The following GSE1 variants were observed in gnomAD, a reference collection of about 807,000 sequenced individuals.
GSE1 encodes Gse1 coiled-coil protein, also known as genetic suppressor element 1.
In GSE1, 32 loss-of-function variants were observed where a neutral mutation model predicts 112.6. The ratio of observed to expected loss-of-function variants is 0.28; its 90% CI spans 0.21 to 0.38. The LOEUF (loss-of-function observed/expected upper bound fraction) is 0.38. Among genes scored for constraint, GSE1 ranks in the 10% least tolerant of loss-of-function variants. The pLI is 1.00. For synonymous variants in GSE1, 1,115 were observed against 735.6 expected (o/e 1.52, Z -8.35); for missense variants, 2,348 against 1,699.2 (o/e 1.38, Z -6.71).
At chr16:85,195,967 T>C (rs1392224014) in intron 1 of GSE1, among the ~76,000 whole-genome samples, 1 of 152,094 alleles carries the variant, frequency 6.6e-6, no homozygotes, top group African/African-American at 2.4e-5. Context: ...GACAGATGCT[T>C]TAGTACCGAT....
chr16:85,510,194 C>A (rs1211217737), intron 2 of GSE1, among the ~76,000 whole-genome samples: 2 of 152,204 alleles, frequency 1.3e-5, no homozygotes. Flanking sequence ...AAAGAAAGTG[C>A]TTTGTGAGCC....
intron 1 of GSE1, among the ~76,000 whole-genome samples, chr16:85,298,067 C>T (rs992175986): frequency 6.6e-6 from 1 of 152,228 alleles, no homozygotes. Flanking sequence ...TCTCCATTCT[C>T]CAGAGAGGCG....
At chr16:85,525,875 G>A (rs568969757) in intron 2 of GSE1, among the ~76,000 whole-genome samples, 4 of 152,270 alleles carry the variant, frequency 2.6e-5, no homozygotes, top group African/African-American at 9.6e-5. Context: ...GGCTGCCTTG[G>A]GTACCTCACT....
chr16:85,217,385 G>A (rs752798461), intron 1 of GSE1, among the ~76,000 whole-genome samples: 4 of 152,172 alleles, frequency 2.6e-5, no homozygotes, highest in African/African-American at 4.8e-5. Flanking sequence ...AAGCCGCCAC[G>A]CCTGGGACCA....
intron 1 of GSE1, among the ~76,000 whole-genome samples, chr16:85,590,950 G>C (rs536531346): frequency 6.6e-6 from 1 of 152,168 alleles, no homozygotes; most frequent in Admixed American, 6.5e-5. Context: ...GGGACCAGAC[G>C]TGCTCTCGGA....
intron 2 of GSE1, among the ~76,000 whole-genome samples, chr16:85,438,561 A>G (rs945782943): frequency 1.3e-5 from 2 of 152,162 alleles, no homozygotes; most frequent in African/African-American, 4.8e-5. Flanking sequence ...GGGGAAACTG[A>G]GACCCACAGC....
rs1341173201 is a variant in GSE1, at chr16:85,673,236, C to T, written c.*697C>T. 1 of 152,578 alleles carries T rather than the reference C, an allele frequency of 6.6e-6. No homozygotes were observed. Among genetic ancestry groups the T allele is most frequent in the African/African-American group, 2.4e-5 (1 of 41,416 alleles). 9.5% of individuals were successfully genotyped at this position (152,578 alleles called of 1,614,324 possible). On this transcript the variant is annotated 3_prime_UTR_variant, in exon 16 of 16. Transcript: ENST00000253458. ...AGAGCTCTGTGTATACACAGCTTCACACCCACCAGATTGTTACTACAGTGG... is the reference window on the plus strand; with the variant it reads ...AGAGCTCTGTGTATACACAGCTTCATACCCACCAGATTGTTACTACAGTGG...
intron 2 of GSE1, among the ~76,000 whole-genome samples, chr16:85,476,802 A>T (rs1368902855): frequency 6.8e-6 from 1 of 147,416 alleles, no homozygotes; most frequent in African/African-American, 2.5e-5. Context: ...AAGCAGAGAC[A>T]GGGTTTCACT....
At chr16:85,461,649 C>A (rs1398785115) in intron 2 of GSE1, among the ~76,000 whole-genome samples, 1 of 152,150 alleles carries the variant, frequency 6.6e-6, no homozygotes, top group African/African-American at 2.4e-5. Context: ...CAAATGAAAG[C>A]CCCCACCCCT....
intron 1 of GSE1, among the ~76,000 whole-genome samples, chr16:85,289,447 G>A (rs2045140393): frequency 6.6e-6 from 1 of 152,160 alleles, no homozygotes; most frequent in Admixed American, 6.5e-5. Context: ...ACACATATGT[G>A]GTGCCAGGCC....
At chr16:85,476,407 A>C (rs1003605096) in intron 2 of GSE1, among the ~76,000 whole-genome samples, 22 of 152,310 alleles carry the variant, frequency 1.4e-4, no homozygotes, top group South Asian at 6.2e-4. Flanking sequence ...ATACACGTGC[A>C]TATGACAGTC....
At chr16:85,638,408 C>T (rs2050177637) in intron 2 of GSE1, among the ~76,000 whole-genome samples, 1 of 152,236 alleles carries the variant, frequency 6.6e-6, no homozygotes, top group South Asian at 2.1e-4. Flanking sequence ...CTCACCTACT[C>T]ACTGCCGAGG....
chr16:85,193,448 T>G (rs922311494), intron 1 of GSE1, among the ~76,000 whole-genome samples: 5 of 142,018 alleles, frequency 3.5e-5, no homozygotes, highest in Admixed American at 1.4e-4. Flanking sequence ...CTCACCTGCT[T>G]CTTTTTTTTG....
At chr16:85,208,666 GT>G (rs1358582720) in intron 1 of GSE1, among the ~76,000 whole-genome samples, 14 of 134,004 alleles carry the variant, frequency 1.0e-4, no homozygotes, top group South Asian at 2.4e-4. Flanking sequence ...ACTCTCCCTT[GT>G]TTTTTTTTTT....
At chr16:85,360,380 G>T (rs1465247723) in intron 2 of GSE1, among the ~76,000 whole-genome samples, 1 of 151,782 alleles carries the variant, frequency 6.6e-6, no homozygotes, top group African/African-American at 2.4e-5. Flanking sequence ...GTGGGGGCAG[G>T]TGGGGCAGGG....
chr16:85,359,049 C>G (rs1430483717), intron 2 of GSE1, among the ~76,000 whole-genome samples: 2 of 151,954 alleles, frequency 1.3e-5, no homozygotes, highest in African/African-American at 4.8e-5. Flanking sequence ...TGTGACAGGC[C>G]TTGGCACCCT....
intron 7 of GSE1, 151 bp from the exon 8 acceptor site, chr16:85,657,126 T>C (rs1299134465): frequency 1.8e-6 from 1 of 558,168 alleles, no homozygotes; most frequent in Non-Finnish European, 3.1e-6. Flanking sequence ...AAAGCTCCCG[T>C]AGGGCCCCTT....
chr16:85,495,801 C>T (rs888704781), intron 2 of GSE1, among the ~76,000 whole-genome samples: 2 of 152,136 alleles, frequency 1.3e-5, no homozygotes, highest in Non-Finnish European at 2.9e-5. Context: ...CCCAGCCATG[C>T]TGGGGACATT....
At chr16:85,483,267 C>G (rs1385206979) in intron 2 of GSE1, among the ~76,000 whole-genome samples, 1 of 152,240 alleles carries the variant, frequency 6.6e-6, no homozygotes, top group East Asian at 1.9e-4. Context: ...GAGGAGGAAG[C>G]CTCAGCTGTC....
Sources: allele counts gnomAD v4.1 joint callset (sites outside exome capture counted in the v4.1 genomes callset), GRCh38; gene constraint gnomAD v4.1.1; transcripts MANE v1.5; gene names NCBI Gene and HGNC (gene_info 2026-07-23, HGNC 2026-07-21).